The following NPEPL1 variants were observed in gnomAD, a reference collection of about 807,000 sequenced individuals.
NPEPL1 encodes the protein aminopeptidase like 1, also known as probable aminopeptidase NPEPL1.
Under a neutral mutation model 52.4 loss-of-function variants are expected in NPEPL1, and 45 were observed. The observed-to-expected ratio is 0.86, with a 90% CI of 0.68 to 1.10. The LOEUF is 1.10. Among genes scored for constraint, NPEPL1 ranks in the 50% least tolerant of loss-of-function variants. NPEPL1 has a pLI of 0.00. For missense variants in NPEPL1, 696 were observed against 710.9 expected, an observed-to-expected ratio of 0.98 and a Z score of 0.24; for synonymous variants, 360 against 314.7, an observed-to-expected ratio of 1.14 and a Z score of -1.52.
At position 58,713,912 on chromosome 20, in the gene NPEPL1, C is replaced by T; in HGVS notation, c.1126-5C>T. On this transcript the variant is annotated splice_polypyrimidine_tract_variant and splice_region_variant and intron_variant, in intron 9 of 11. Coordinates refer to ENST00000356091, the MANE Select transcript of NPEPL1 (RefSeq NM_024663.4). The surrounding 1 kb of genome is among the most constrained non-coding windows in gnomAD (Gnocchi z 4.6). ...CACACGCTTCCCGGGTTCCTGCCCGCCCAGGGCATTGCCACAGGGAAGTAC... is the reference window on the plus strand; with the variant it reads ...CACACGCTTCCCGGGTTCCTGCCCGTCCAGGGCATTGCCACAGGGAAGTAC... 2 of 1,465,102 alleles carry T rather than the reference C, an allele frequency of 1.4e-6. No individual in the cohort carries two copies. Among genetic ancestry groups the T allele is most frequent in the South Asian group, 1.4e-5 (1 of 70,178 alleles). 90.8% of individuals were successfully genotyped at this position (1,465,102 alleles called of 1,614,324 possible).
At chr20:58,699,327 G>T (rs1256983158) in intron 5 of NPEPL1, 49 bp downstream of exon 5, 1 of 1,427,380 alleles carries the variant, frequency 7.0e-7, no homozygotes, top group Non-Finnish European at 9.6e-7. Flanking sequence ...GCAGTGGCCA[G>T]GGGCACTTGG....
intron 7 of NPEPL1, among the ~76,000 whole-genome samples, chr20:58,708,012 A>T (rs1439103412): frequency 2.6e-5 from 4 of 151,892 alleles, no homozygotes; most frequent in African/African-American, 9.7e-5. Flanking sequence ...TGAGCCCGGG[A>T]GGTTGAGGCT....
chr20:58,710,498 C>CA (rs11481655), intron 7 of NPEPL1, among the ~76,000 whole-genome samples: 32,903 of 147,022 alleles, frequency 0.22, 6,412 homozygotes, highest in African/African-American at 0.54. Flanking sequence ...AGCCTGGCAC[C>CA]AAAAAAAAAA....
chr20:58,714,515 C>G lies in NPEPL1; in HGVS notation c.1303-45C>G, dbSNP rs373418649. The G allele has an allele frequency of 4.2e-6, 6 of 1,425,864 alleles. No individual in the cohort carries two copies. The Admixed American group carries it at 1.3e-4, about 30-fold the overall frequency. The allele number at this position is 1,425,864 out of a possible 1,614,324, so 88.3% of individuals were successfully genotyped here. ...GCGATGGGGCAGGGTGGAGAGGGCC[C>G]GGCCGGAGCAACCCACAGGCACTGT... On this transcript the variant is annotated intron_variant, in intron 10 of 11. Transcript: ENST00000356091.
intron 3 of NPEPL1, among the ~76,000 whole-genome samples, chr20:58,695,488 C>T (rs1413387629): frequency 2.6e-5 from 4 of 152,210 alleles, no homozygotes; most frequent in African/African-American, 9.7e-5. Context: ...CTCCTGTCCC[C>T]ACGGCAGCGG....
chr20:58,705,332 T>G (rs892619951), intron 6 of NPEPL1, among the ~76,000 whole-genome samples: 2 of 152,218 alleles, frequency 1.3e-5, no homozygotes, highest in African/African-American at 4.8e-5. Flanking sequence ...ACAGCTGAGC[T>G]TCTGCTCTGA....
intron 7 of NPEPL1, among the ~76,000 whole-genome samples, chr20:58,712,221 C>T (rs1209420258): frequency 6.6e-6 from 1 of 152,174 alleles, no homozygotes; most frequent in East Asian, 1.9e-4. Context: ...AGTCCCACAG[C>T]CCAGCCCATG....
At chr20:58,690,999 T>G, upstream of NPEPL1, 1 of 675,568 alleles carries the variant, frequency 1.5e-6, no homozygotes. Flanking sequence ...TTTCAGAGCC[T>G]GCTGGACATA....
chr20:58,707,941 G>T (rs1414573225), intron 7 of NPEPL1, among the ~76,000 whole-genome samples: 2 of 152,306 alleles, frequency 1.3e-5, no homozygotes, highest in South Asian at 4.1e-4. Context: ...AACTAGCCAG[G>T]CGTGGTGGCG....
intron 7 of NPEPL1, 44 bp from the exon 8 acceptor site, chr20:58,712,435 A>C: frequency 7.2e-7 from 1 of 1,381,424 alleles, no homozygotes; most frequent in African/African-American, 1.4e-5. Flanking sequence ...CCCTCCCCAA[A>C]CCTATGACCT....
chr20:58,707,279 G>A (rs1456491416), intron 7 of NPEPL1, 79 bp downstream of exon 7: 14 of 1,271,084 alleles, frequency 1.1e-5, no homozygotes, highest in African/African-American at 4.4e-5. Context: ...TGTCCGTCCC[G>A]CCACAGGCCC....
At chr20:58,707,960 T>C (rs982548217) in intron 7 of NPEPL1, among the ~76,000 whole-genome samples, 1 of 152,102 alleles carries the variant, frequency 6.6e-6, no homozygotes, top group African/African-American at 2.4e-5. Context: ...CGCGCACCTG[T>C]AGTCTCAGCT....
At chr20:58,701,788 G>C (rs1440584557) in intron 6 of NPEPL1, among the ~76,000 whole-genome samples, 1 of 152,158 alleles carries the variant, frequency 6.6e-6, no homozygotes, top group South Asian at 2.1e-4. Flanking sequence ...AGAGCGAGGG[G>C]AATCTGGGCA....
chr20:58,694,010 T>A, intron 2 of NPEPL1, 88 bp downstream of exon 2: 1 of 1,284,918 alleles, frequency 7.8e-7, no homozygotes, highest in Non-Finnish European at 1.1e-6. Flanking sequence ...CTGCTCAGAC[T>A]GCAGCGCACG....
chr20:58,706,755 G>A (rs950059568), intron 6 of NPEPL1, among the ~76,000 whole-genome samples: 1 of 152,198 alleles, frequency 6.6e-6, no homozygotes, highest in African/African-American at 2.4e-5. Context: ...AGGGTGCCCG[G>A]CGTCAAAGCA....
At chr20:58,706,992 TG>T in intron 6 of NPEPL1, 130 bp from the exon 7 acceptor site, 2 of 849,956 alleles carry the variant, frequency 2.4e-6, no homozygotes, top group South Asian at 1.5e-5. Context: ...AGGCCTGGTG[TG>T]GGGGCTGCCC....
At chr20:58,690,578 G>A (rs925123517), upstream of NPEPL1, among the ~76,000 whole-genome samples, 5 of 152,304 alleles carry the variant, frequency 3.3e-5, no homozygotes, top group East Asian at 7.7e-4. Flanking sequence ...ATTCCTTAGC[G>A]TTCTGTTTAG....
chr20:58,695,929 T>TC (rs1281237246), intron 3 of NPEPL1, among the ~76,000 whole-genome samples: 3 of 152,052 alleles, frequency 2.0e-5, no homozygotes, highest in African/African-American at 7.2e-5. Context: ...GAGGTCTCCC[T>TC]CCCTCCCGCT....
intron 3 of NPEPL1, 134 bp downstream of exon 3, chr20:58,694,726 T>A: frequency 1.0e-6 from 1 of 977,958 alleles, no homozygotes; most frequent in Non-Finnish European, 1.5e-6. Flanking sequence ...CTTTGGTTCC[T>A]GGGAAGCGGC....
Sources: allele counts gnomAD v4.1 joint callset (sites outside exome capture counted in the v4.1 genomes callset), GRCh38; gene constraint gnomAD v4.1.1; non-coding constraint Gnocchi (gnomAD v3.1); transcripts MANE v1.5; gene names NCBI Gene and HGNC (gene_info 2026-07-23, HGNC 2026-07-21).